DGLUCY: variants seen among roughly 807,000 people sequenced by gnomAD.
DGLUCY encodes D-glutamate cyclase.
A neutral mutation model predicts 58.5 loss-of-function variants in DGLUCY; 58 were observed. That is an observed-to-expected ratio of 0.99 (90% CI 0.80 to 1.23). DGLUCY has a LOEUF of 1.23. Ranked by LOEUF, DGLUCY falls within the 50% of genes most tolerant of loss-of-function variation. The probability of loss-of-function intolerance (pLI) is 0.00; values close to 1 mark genes in which losing one functional copy is unlikely to be tolerated. For missense variants in DGLUCY, 779 were observed against 784.7 expected (o/e 0.99, Z 0.09); for synonymous variants, 325 against 314.1 (o/e 1.03, Z -0.37).
chr14:91,191,096 T>G (rs1217871001), intron 9 of DGLUCY, among the ~76,000 whole-genome samples: 1 of 152,216 alleles, frequency 6.6e-6, no homozygotes, highest in African/African-American at 2.4e-5. Context: ...AATCACTGGC[T>G]GATGGCTTCA....
At chr14:91,060,412 C>A in exon 1 of DGLUCY, 1 of 1,505,474 alleles carries the variant, frequency 6.6e-7, no homozygotes, top group Non-Finnish European at 8.9e-7. Context: ...GGCGCCGCCG[C>A]TGCTGCCACC....
chr14:91,122,382 G>T (rs2045420943), intron 1 of DGLUCY, among the ~76,000 whole-genome samples: 1 of 151,570 alleles, frequency 6.6e-6, no homozygotes, highest in Non-Finnish European at 1.5e-5. Flanking sequence ...CAAACTTCTG[G>T]GCTCAGTCAA....
intron 1 of DGLUCY, among the ~76,000 whole-genome samples, chr14:91,143,918 G>C (rs2046874862): frequency 6.6e-6 from 1 of 152,136 alleles, no homozygotes; most frequent in African/African-American, 2.4e-5. Context: ...GTAATAAGTA[G>C]AGTCAATTAT....
chr14:91,104,712 G>C (rs1358135958), upstream of DGLUCY, among the ~76,000 whole-genome samples: 1 of 152,128 alleles, frequency 6.6e-6, no homozygotes, highest in Non-Finnish European at 1.5e-5. Context: ...TCCGTCCTGG[G>C]CTCTCGGATT....
At chr14:91,221,269 AGT>A (rs1887453430) in intron 13 of DGLUCY, among the ~76,000 whole-genome samples, 1 of 152,208 alleles carries the variant, frequency 6.6e-6, no homozygotes, top group African/African-American at 2.4e-5. Flanking sequence ...GGGGCCAAAG[AGT>A]GAGAGCTCTT....
chr14:91,162,944 A>G (rs926403537), intron 3 of DGLUCY, among the ~76,000 whole-genome samples: 5 of 150,448 alleles, frequency 3.3e-5, no homozygotes, highest in African/African-American at 9.8e-5. Context: ...TGCACATACC[A>G]TCCTGATTTA....
chr14:91,137,114 C>T (rs564792897), intron 1 of DGLUCY, among the ~76,000 whole-genome samples: 1 of 151,692 alleles, frequency 6.6e-6, no homozygotes, highest in South Asian at 2.1e-4. Context: ...GGCAAAGGCC[C>T]AGCAGAACGT....
At chr14:91,218,248 CAT>C (rs1886887912) in intron 13 of DGLUCY, among the ~76,000 whole-genome samples, 2 of 152,206 alleles carry the variant, frequency 1.3e-5, no homozygotes, top group Admixed American at 1.3e-4. Context: ...CTGCTTCACA[CAT>C]GATTCCTGAT....
At chr14:91,202,838 T>C (rs1025848272) in intron 11 of DGLUCY, among the ~76,000 whole-genome samples, 1 of 152,112 alleles carries the variant, frequency 6.6e-6, no homozygotes, top group African/African-American at 2.4e-5. Flanking sequence ...TTGTAGACCC[T>C]TGGGCCCTTC....
At chr14:91,190,209 G>T (rs969813374) in intron 9 of DGLUCY, among the ~76,000 whole-genome samples, 1 of 151,538 alleles carries the variant, frequency 6.6e-6, no homozygotes, top group Non-Finnish European at 1.5e-5. Context: ...GGATGGTCTC[G>T]ATCTCCTGAC....
chr14:91,189,327 GCT>G (rs372573019), intron 9 of DGLUCY, among the ~76,000 whole-genome samples, 157 bp downstream of exon 9: 1 of 152,346 alleles, frequency 6.6e-6, no homozygotes, highest in East Asian at 1.9e-4. Context: ...AGAGACTGAG[GCT>G]CTGAGAGATC....
chr14:91,112,368 A>G (rs932748117), upstream of DGLUCY, among the ~76,000 whole-genome samples: 1 of 152,200 alleles, frequency 6.6e-6, no homozygotes, highest in Non-Finnish European at 1.5e-5. Context: ...CTCTGGAAAC[A>G]TGACACCATG....
At chr14:91,160,193 C>A in intron 2 of DGLUCY, 73 bp from the exon 3 acceptor site, 1 of 903,488 alleles carries the variant, frequency 1.1e-6, no homozygotes, top group Non-Finnish European at 1.9e-6. Context: ...GTATGTGAAG[C>A]TATGTGAGGC....
At chr14:91,203,654 G>A (rs2050705261) in intron 11 of DGLUCY, among the ~76,000 whole-genome samples, 1 of 147,248 alleles carries the variant, frequency 6.8e-6, no homozygotes, top group Non-Finnish European at 1.5e-5. Context: ...ACATGCTTCA[G>A]GGCTTGATAG....
At chr14:91,176,812 C>T (rs755963394) in intron 7 of DGLUCY, among the ~76,000 whole-genome samples, 18 of 152,104 alleles carry the variant, frequency 1.2e-4, no homozygotes, top group Non-Finnish European at 1.8e-4. Flanking sequence ...ATGTTGGCCA[C>T]GCTGGTCTTG....
intron 1 of DGLUCY, among the ~76,000 whole-genome samples, chr14:91,136,250 A>G (rs985388730): frequency 7.9e-5 from 12 of 151,900 alleles, no homozygotes; most frequent in African/African-American, 2.9e-4. Context: ...CATTTTTTAT[A>G]CTACAGGGGT....
In DGLUCY at chr14:91,222,733, C is replaced by T. The variant is rs574604131; in HGVS notation, c.1717-1951C>T. Among the ~76,000 whole-genome samples, 52 of 152,322 alleles carry T rather than the reference C, an allele frequency of 3.4e-4. No individual in the cohort carries two copies. The South Asian group carries it at 0.011, about 32-fold the overall frequency. On this transcript the variant is annotated intron_variant, in intron 13 of 13. Coordinates refer to ENST00000256324, the MANE Select transcript of DGLUCY (RefSeq NM_001102368.3). Reference sequence around the variant, plus strand: ...CTCAGCTGGCTCATTTTTATTCTTTCATCACCTCTGATCCTAGTTGCCCCT... The same window carrying T: ...CTCAGCTGGCTCATTTTTATTCTTTTATCACCTCTGATCCTAGTTGCCCCT...
At chr14:91,183,909 G>A (rs934255459) in intron 8 of DGLUCY, among the ~76,000 whole-genome samples, 3 of 152,052 alleles carry the variant, frequency 2.0e-5, no homozygotes, top group Non-Finnish European at 4.4e-5. Context: ...CCCTCTTCTG[G>A]ACCTTCTCAT....
chr14:91,065,316 G>A (rs1373456164), intron 1 of DGLUCY, among the ~76,000 whole-genome samples: 2 of 152,154 alleles, frequency 1.3e-5, no homozygotes, highest in Non-Finnish European at 2.9e-5. Flanking sequence ...CCTCTGGGTG[G>A]GAGATGAGCG....
Sources: allele counts gnomAD v4.1 joint callset (sites outside exome capture counted in the v4.1 genomes callset), GRCh38; gene constraint gnomAD v4.1.1; transcripts MANE v1.5; gene names NCBI Gene and HGNC (gene_info 2026-07-23, HGNC 2026-07-21).